Variants in UPRT observed in about 807,000 individuals in gnomAD.
UPRT encodes the protein uracil phosphoribosyltransferase homolog, also known as RP11-311P8.3.
A neutral mutation model predicts 22.6 loss-of-function variants in UPRT; 5 were observed. That is an observed-to-expected ratio of 0.22 (90% CI 0.12 to 0.47). The LOEUF (loss-of-function observed/expected upper bound fraction) is 0.47. UPRT is among the 20% of genes least tolerant of loss of function. UPRT has a pLI of 0.99. For synonymous variants in UPRT, 77 were observed against 87.7 expected, an observed-to-expected ratio of 0.88 and a Z score of 0.68; for missense variants, 181 against 239.9, an observed-to-expected ratio of 0.75 and a Z score of 1.62.
intron 1 of UPRT, among the ~76,000 whole-genome samples, chrX:75,278,084 A>C (rs1182870093): frequency 9.0e-6 from 1 of 111,420 alleles, no homozygotes; most frequent in African/African-American, 3.3e-5. Flanking sequence ...GACAGCATAA[A>C]TGTGCACTGT....
intron 4 of UPRT, among the ~76,000 whole-genome samples, chrX:75,199,347 A>G: frequency 9.0e-6 from 1 of 111,441 alleles, no homozygotes; most frequent in Non-Finnish European, 1.9e-5. Flanking sequence ...AAGTAGGGTA[A>G]GCCATCAGTC....
chrX:75,273,737 A>C (rs1569279917), upstream of UPRT, among the ~76,000 whole-genome samples: 1 of 112,087 alleles, frequency 8.9e-6, no homozygotes, highest in East Asian at 2.8e-4. Flanking sequence ...TCTGTTATGC[A>C]GACAAGCTAA....
intron 4 of UPRT, among the ~76,000 whole-genome samples, chrX:75,237,220 A>C (rs1188654481): frequency 8.9e-6 from 1 of 112,456 alleles, no homozygotes; most frequent in Non-Finnish European, 1.9e-5. Flanking sequence ...ACTGGCCATC[A>C]GAGAAATGCA....
intron 4 of UPRT, among the ~76,000 whole-genome samples, chrX:75,252,647 A>T (rs1267308338): frequency 8.9e-6 from 1 of 112,014 alleles, no homozygotes; most frequent in East Asian, 2.8e-4. Context: ...TTCCACTAGG[A>T]TCTAGAACTA....
chrX:75,272,199 TAA>T (rs2082610100), upstream of UPRT, among the ~76,000 whole-genome samples: 1 of 106,358 alleles, frequency 9.4e-6, no homozygotes, highest in Non-Finnish European at 1.9e-5. Flanking sequence ...TATAGCAGCA[TAA>T]TTCGCAATTG....
At chrX:75,272,319 T>TATATATGC (rs369391024), upstream of UPRT, among the ~76,000 whole-genome samples, 2 of 88,344 alleles carry the variant, frequency 2.3e-5, no homozygotes, top group Non-Finnish European at 4.2e-5. Flanking sequence ...TGTGTATATA[T>TATATATGC]ACATATATAT....
In UPRT at chrX:75,274,612, C is replaced by A. The variant is rs779588025; in HGVS notation, c.358C>A (p.Arg120=). 4 of 1,202,268 alleles carry A rather than the reference C, an allele frequency of 3.3e-6. No individual in the cohort carries two copies. The Admixed American group carries it at 8.8e-5, about 27-fold the overall frequency. ...GCTGCTGCCTATGAATGATCAGATA[C>A]GGGAGCTACAGACCATCATCCGTGA... ...LKLLPMNDQI[R]ELQTIIRDKT... Residue 120 remains arginine, a synonymous_variant, in exon 1 of 7, where the codon CGG becomes AGG. Coordinates refer to ENST00000373383, the MANE Select transcript of UPRT (RefSeq NM_145052.4).
At chrX:75,208,592 G>T (rs977134371) in intron 4 of UPRT, among the ~76,000 whole-genome samples, 8 of 111,866 alleles carry the variant, frequency 7.2e-5, no homozygotes, top group Non-Finnish European at 1.1e-4. Context: ...GGGACCACCA[G>T]ATGGATTGGC....
At chrX:75,205,497 A>G (rs1471460229) in intron 4 of UPRT, among the ~76,000 whole-genome samples, 2 of 111,025 alleles carry the variant, frequency 1.8e-5, no homozygotes, top group East Asian at 2.8e-4. Context: ...GTTAAGCACA[A>G]TGAGGTTGGT....
chrX:75,184,002 T>C (rs1420708854), intron 4 of UPRT, among the ~76,000 whole-genome samples: 1 of 112,405 alleles, frequency 8.9e-6, no homozygotes, highest in Non-Finnish European at 1.9e-5. Context: ...TAGTTTCTTT[T>C]GCTGTGCAGA....
chrX:75,214,123 A>G (rs913426334), intron 4 of UPRT, among the ~76,000 whole-genome samples: 1 of 112,376 alleles, frequency 8.9e-6, no homozygotes, highest in African/African-American at 3.2e-5. Flanking sequence ...GAATCATACA[A>G]TGTCTGCTCT....
At chrX:75,264,936 A>T (rs940519903) in intron 4 of UPRT, among the ~76,000 whole-genome samples, 2 of 111,703 alleles carry the variant, frequency 1.8e-5, no homozygotes, top group African/African-American at 6.5e-5. Flanking sequence ...TCCTTCACTT[A>T]TGAAGCTTAG....
At chrX:75,230,761 G>T (rs974339333) in intron 4 of UPRT, among the ~76,000 whole-genome samples, 1 of 111,610 alleles carries the variant, frequency 9.0e-6, no homozygotes, top group Non-Finnish European at 1.9e-5. Context: ...ACCTGAAGAT[G>T]AATCACATCC....
chrX:75,231,235 A>G (rs995752646), intron 4 of UPRT, among the ~76,000 whole-genome samples: 5 of 111,978 alleles, frequency 4.5e-5, no homozygotes, highest in African/African-American at 1.6e-4. Flanking sequence ...TCTCCAGAGT[A>G]ATAGATATCA....
At chrX:75,285,028 A>G (rs2082674296) in intron 1 of UPRT, among the ~76,000 whole-genome samples, 1 of 110,546 alleles carries the variant, frequency 9.0e-6, no homozygotes, top group South Asian at 3.9e-4. Flanking sequence ...TTGTGTACCT[A>G]GGAGGATTAT....
intron 4 of UPRT, among the ~76,000 whole-genome samples, chrX:75,254,929 C>G (rs989675025): frequency 1.8e-5 from 2 of 109,876 alleles, no homozygotes; most frequent in Non-Finnish European, 3.8e-5. Flanking sequence ...GCGCCCGCCA[C>G]CGCACCCGGC....
intron 1 of UPRT, among the ~76,000 whole-genome samples, chrX:75,283,756 C>T (rs1048732292): frequency 2.7e-5 from 3 of 110,960 alleles, no homozygotes; most frequent in South Asian, 3.8e-4. Context: ...TTGGATAGCC[C>T]GACGAAAATG....
chrX:75,275,623 A>G (rs893168945), intron 1 of UPRT, among the ~76,000 whole-genome samples: 7 of 111,260 alleles, frequency 6.3e-5, no homozygotes, highest in Non-Finnish European at 1.3e-4. Flanking sequence ...ATCAATCTTC[A>G]TAACATACAT....
intron 4 of UPRT, among the ~76,000 whole-genome samples, chrX:75,235,167 A>G (rs1006497703): frequency 9.0e-6 from 1 of 110,773 alleles, no homozygotes; most frequent in Non-Finnish European, 1.9e-5. Flanking sequence ...CATCTATGCA[A>G]ATAAACTAGA....
Sources: allele counts gnomAD v4.1 joint callset (sites outside exome capture counted in the v4.1 genomes callset), GRCh38; gene constraint gnomAD v4.1.1; transcripts MANE v1.5; gene names NCBI Gene and HGNC (gene_info 2026-07-23, HGNC 2026-07-21).